Variants in KANK1 observed in about 807,000 individuals in gnomAD.
KANK1 encodes KN motif and ankyrin repeat domains 1.
Under a neutral mutation model 106.2 loss-of-function variants are expected in KANK1, and 109 were observed. The ratio of observed to expected loss-of-function variants is 1.03; its 90% CI spans 0.88 to 1.20. The LOEUF is 1.20. KANK1 is among the 50% of genes most tolerant of loss of function. The pLI is 0.00. For missense variants in KANK1, 2,399 were observed against 1,710.7 expected, an observed-to-expected ratio of 1.40 and a Z score of -7.10; for synonymous variants, 873 against 652.2, an observed-to-expected ratio of 1.34 and a Z score of -5.16.
rs555923403 is a variant in KANK1 at position 656,475 on chromosome 9, A to G, written c.-83-20415A>G. 3.6e-3 allele frequency among the ~76,000 whole-genome samples: 555 copies of G among 152,200 alleles called. 10 individuals are homozygous for G. The highest frequency in any genetic ancestry group is 2.4e-3 in the Admixed American group (37 of 15,296). Reference sequence around the variant, plus strand: ...GCCTCTACCTCATGCTGACCAGGGGACAAGGCTCTGTCTCCTGGGTGTGGC... The same window carrying G: ...GCCTCTACCTCATGCTGACCAGGGGGCAAGGCTCTGTCTCCTGGGTGTGGC... On this transcript the variant is annotated intron_variant, in intron 1 of 11. Transcript: ENST00000382297.
chr9:683,527 G>T (rs1214920630), intron 2 of KANK1, among the ~76,000 whole-genome samples: 3 of 152,194 alleles, frequency 2.0e-5, no homozygotes, highest in Non-Finnish European at 2.9e-5. Context: ...GTTGGACATG[G>T]AGAACATTTT....
intron 1 of KANK1, among the ~76,000 whole-genome samples, chr9:599,604 A>G (rs1389822135): frequency 1.3e-5 from 2 of 151,886 alleles, no homozygotes. Flanking sequence ...AACCCATCAT[A>G]CTGATATGCT....
In KANK1 at chr9:712,763, C is replaced by G. The variant is rs746088661; in HGVS notation, c.1997C>G (p.Pro666Arg). 3 of 1,613,872 alleles carry G rather than the reference C, an allele frequency of 1.9e-6. No individual in the cohort carries two copies. The highest frequency in any genetic ancestry group is 2.5e-6 in the Non-Finnish European group (3 of 1,179,886). ...GTGGAAGCTGCCGTCATGGCAGTGC[C>G]TCGTACTGCAGACCAGGACACTAGC... ...SQVEAAVMAV[P>R]RTADQDTSTD... The change falls in exon 3 of 12, where the codon CCT becomes CGT. Residue 666 changes from proline (P) to arginine (R), a missense_variant. Transcript: ENST00000382297.
At chr9:566,093 A>G (rs978895216) in intron 1 of KANK1, among the ~76,000 whole-genome samples, 4 of 152,146 alleles carry the variant, frequency 2.6e-5, no homozygotes, top group Non-Finnish European at 4.4e-5. Context: ...TTTAGCTCCC[A>G]TTTATAAGTG....
chr9:488,484 C>CA (rs2058329543), intron 3 of KANK1, among the ~76,000 whole-genome samples: 1 of 152,218 alleles, frequency 6.6e-6, no homozygotes, highest in African/African-American at 2.4e-5. Context: ...AACTTGGAGA[C>CA]AAAATCTGGA....
At chr9:666,901 C>CTTTT (rs35149316) in intron 1 of KANK1, among the ~76,000 whole-genome samples, 113 of 53,472 alleles carry the variant, frequency 2.1e-3, no homozygotes, top group Middle Eastern at 0.025. Context: ...CTATTGTTGT[C>CTTTT]TTTTTTTTTT....
At chr9:532,823 C>G (rs922661064) in intron 1 of KANK1, among the ~76,000 whole-genome samples, 3 of 149,394 alleles carry the variant, frequency 2.0e-5, no homozygotes, top group Admixed American at 6.6e-5. Context: ...ATTTTCATAC[C>G]AGCAGTAGGG....
At chr9:727,109 A>C (rs1169680973) in intron 3 of KANK1, among the ~76,000 whole-genome samples, 1 of 152,218 alleles carries the variant, frequency 6.6e-6, no homozygotes, top group Non-Finnish European at 1.5e-5. Flanking sequence ...CCTCTGTATA[A>C]ATATACCAGT....
At chr9:505,688 C>T (rs2058722353) in intron 1 of KANK1, among the ~76,000 whole-genome samples, 1 of 152,220 alleles carries the variant, frequency 6.6e-6, no homozygotes, top group Non-Finnish European at 1.5e-5. Context: ...TTTATGGCGT[C>T]CGCCAGCGCT....
chr9:650,171 C>G (rs1325054239), intron 1 of KANK1, among the ~76,000 whole-genome samples: 1 of 152,172 alleles, frequency 6.6e-6, no homozygotes, highest in Non-Finnish European at 1.5e-5. Context: ...CTTGCAAATT[C>G]ATTGCAAATT....
intron 1 of KANK1, among the ~76,000 whole-genome samples, chr9:591,755 T>C (rs12337439): frequency 0.063 from 9,596 of 151,748 alleles, 975 homozygotes; most frequent in East Asian, 0.23. Context: ...GCCTCCTGGG[T>C]TCAAGTGATT....
At chr9:474,519 G>A (rs568807589) in intron 3 of KANK1, among the ~76,000 whole-genome samples, 5 of 152,312 alleles carry the variant, frequency 3.3e-5, no homozygotes, top group Non-Finnish European at 5.9e-5. Flanking sequence ...AAATGTCAGC[G>A]ATTATTTTAT....
intron 1 of KANK1, among the ~76,000 whole-genome samples, chr9:666,180 CA>C (rs202042928): frequency 1.4e-4 from 19 of 136,628 alleles, no homozygotes; most frequent in Admixed American, 2.2e-4. Flanking sequence ...AACCCTGTCT[CA>C]AAAAAAAAAA....
chr9:631,197 G>A (rs1001914359), intron 1 of KANK1, among the ~76,000 whole-genome samples: 1 of 152,070 alleles, frequency 6.6e-6, no homozygotes, highest in African/African-American at 2.4e-5. Flanking sequence ...GAGTTTATAA[G>A]TTGAGTTGAA....
chr9:643,692 G>T (rs923633749), intron 1 of KANK1, among the ~76,000 whole-genome samples: 1 of 148,872 alleles, frequency 6.7e-6, no homozygotes, highest in Non-Finnish European at 1.5e-5. Flanking sequence ...GATTTGTGGG[G>T]GTTTTTTGTT....
At chr9:667,954 C>T (rs11506298) in intron 1 of KANK1, among the ~76,000 whole-genome samples, 25,497 of 152,006 alleles carry the variant, frequency 0.17, 3,134 homozygotes, top group East Asian at 0.33. Flanking sequence ...TGGTCCCGAA[C>T]TCCTGACATC....
chr9:620,301 C>G (rs1832837746), intron 1 of KANK1, among the ~76,000 whole-genome samples: 1 of 152,136 alleles, frequency 6.6e-6, no homozygotes, highest in South Asian at 2.1e-4. Context: ...TGGAATAGGA[C>G]ATTAACTCTT....
At chr9:578,328 A>ACT (rs1821136420) in intron 1 of KANK1, among the ~76,000 whole-genome samples, 1 of 127,496 alleles carries the variant, frequency 7.8e-6, no homozygotes, top group Admixed American at 7.7e-5. Flanking sequence ...TTATTTTTCA[A>ACT]CTGTGTGTGT....
intron 1 of KANK1, chr9:549,103 A>G (rs1211886457): frequency 6.6e-6 from 1 of 151,156 alleles, no homozygotes; most frequent in African/African-American, 2.4e-5. Flanking sequence ...TACTTCTTCC[A>G]CAGAAAAACA....
Sources: allele counts gnomAD v4.1 joint callset (sites outside exome capture counted in the v4.1 genomes callset), GRCh38; gene constraint gnomAD v4.1.1; transcripts MANE v1.5; gene names NCBI Gene and HGNC (gene_info 2026-07-23, HGNC 2026-07-21).